Variants in ASIC2 observed in about 807,000 individuals in gnomAD.
ASIC2 encodes acid sensing ion channel subunit 2.
ASIC2 carries 25 observed loss-of-function variants against 57.3 expected under a neutral mutation model. The ratio of observed to expected loss-of-function variants is 0.44; its 90% CI spans 0.32 to 0.61. The LOEUF (loss-of-function observed/expected upper bound fraction) is 0.61, where lower values mean the gene tolerates loss of function less well. Among genes scored for constraint, ASIC2 ranks in the 20% least tolerant of loss-of-function variants. The probability of loss-of-function intolerance (pLI) is 0.06; values close to 1 mark genes in which losing one functional copy is unlikely to be tolerated. For synonymous variants in ASIC2, 319 were observed against 307.5 expected (o/e 1.04, Z -0.39); for missense variants, 641 against 738.1 (o/e 0.87, Z 1.52).
At chr17:33,052,508 T>C (rs1230659054) in intron 3 of ASIC2, 2 of 152,198 alleles carry the variant, frequency 1.3e-5, no homozygotes, top group Non-Finnish European at 2.9e-5. Flanking sequence ...AGGAGGAGCA[T>C]GTGGAGAACA....
intron 1 of ASIC2, among the ~76,000 whole-genome samples, chr17:33,706,626 G>A (rs1246338785): frequency 1.3e-5 from 2 of 152,022 alleles, no homozygotes; most frequent in Non-Finnish European, 2.9e-5. Context: ...ACAACCTTTT[G>A]TTTTTTCTGG....
rs553711780 is a variant in ASIC2, at chr17:33,655,765, G to T, written c.555+500213C>A. ...CATGTCCAATAAATAGAGTAATGAT[G>T]AACCATGATGCAATAAATTGAATAT... is the stretch of plus-strand genomic sequence containing the variant. On this transcript the variant is annotated intron_variant, in intron 1 of 9. Coordinates refer to the ASIC2 transcript ENST00000359872. Among the ~76,000 whole-genome samples the T allele has an allele frequency of 5.3e-5, 8 of 152,262 alleles. No homozygotes were observed. In the South Asian group the frequency reaches 1.7e-3, roughly 32 times the overall value.
intron 1 of ASIC2, among the ~76,000 whole-genome samples, chr17:33,737,895 C>T (rs1419493841): frequency 6.6e-6 from 1 of 152,056 alleles, no homozygotes; most frequent in Non-Finnish European, 1.5e-5. Flanking sequence ...GGCAAATGAC[C>T]CCAACTCTTC....
At chr17:33,491,491 C>A (rs1040851974) in intron 1 of ASIC2, among the ~76,000 whole-genome samples, 1 of 152,142 alleles carries the variant, frequency 6.6e-6, no homozygotes. Context: ...TATGGGAGAG[C>A]GGCTAATAAA....
chr17:33,567,693 C>T (rs1488699638), intron 1 of ASIC2, among the ~76,000 whole-genome samples: 22 of 152,010 alleles, frequency 1.4e-4, no homozygotes, highest in Non-Finnish European at 2.9e-5. Context: ...CAGATTAAGG[C>T]CTGAGCAATT....
At chr17:33,995,681 C>T (rs185291314) in intron 1 of ASIC2, among the ~76,000 whole-genome samples, 2 of 152,050 alleles carry the variant, frequency 1.3e-5, no homozygotes, top group Admixed American at 6.5e-5. Context: ...TGTATATACA[C>T]ACACACAAAT....
intron 1 of ASIC2, among the ~76,000 whole-genome samples, chr17:33,784,956 C>T (rs1369021230): frequency 1.3e-5 from 2 of 152,144 alleles, no homozygotes; most frequent in Non-Finnish European, 2.9e-5. Context: ...ACAGCAGATT[C>T]TACATATATT....
In ASIC2 at chr17:33,122,159, C is replaced by T. The variant is rs113036662; in HGVS notation, c.709-10092G>A. On this transcript the variant is annotated intron_variant, in intron 1 of 9. Transcript: ENST00000225823. Reference sequence around the variant, plus strand: ...AAACCATCCACAGTCTGCTCCCATTCCCATCTCTGTTGTCCCTACTGCCTA... The same window carrying T: ...AAACCATCCACAGTCTGCTCCCATTTCCATCTCTGTTGTCCCTACTGCCTA... Among the ~76,000 whole-genome samples, 60 of 152,274 alleles carry T rather than the reference C, an allele frequency of 3.9e-4. No individual in the cohort carries two copies. The South Asian group carries it at 0.011, about 28-fold the overall frequency.
intron 1 of ASIC2, among the ~76,000 whole-genome samples, chr17:33,708,195 A>G (rs1908919195): frequency 1.3e-5 from 2 of 152,146 alleles, no homozygotes; most frequent in Admixed American, 1.3e-4. Flanking sequence ...CCACACCTTA[A>G]TTTTTGAAGA....
At chr17:33,138,958 G>T (rs1414221315) in intron 1 of ASIC2, among the ~76,000 whole-genome samples, 1 of 152,330 alleles carries the variant, frequency 6.6e-6, no homozygotes, top group Admixed American at 6.5e-5. Context: ...CCAGCCTGGG[G>T]ATCAGAAGTC....
chr17:33,579,350 G>C (rs111718736), intron 1 of ASIC2, among the ~76,000 whole-genome samples: 2 of 150,220 alleles, frequency 1.3e-5, no homozygotes, highest in African/African-American at 4.9e-5. Context: ...ACTGGAACAC[G>C]ATGTGGCTTG....
intron 3 of ASIC2, among the ~76,000 whole-genome samples, chr17:33,048,888 A>G (rs1484300278): frequency 6.6e-6 from 1 of 152,152 alleles, no homozygotes; most frequent in African/African-American, 2.4e-5. Flanking sequence ...GGTCCTACGT[A>G]TTATTTTCTT....
chr17:34,125,944 A>T (rs1034704057), intron 1 of ASIC2, among the ~76,000 whole-genome samples: 2 of 151,974 alleles, frequency 1.3e-5, no homozygotes, highest in African/African-American at 4.8e-5. Context: ...CATCCACGTC[A>T]CTCCCCTTGG....
At chr17:33,191,744 A>C (rs1460399761) in intron 1 of ASIC2, among the ~76,000 whole-genome samples, 1 of 152,156 alleles carries the variant, frequency 6.6e-6, no homozygotes, top group African/African-American at 2.4e-5. Context: ...GCTACTCACA[A>C]TCCGTCTTAC....
intron 1 of ASIC2, among the ~76,000 whole-genome samples, chr17:33,577,615 C>T (rs895715139): frequency 3.9e-5 from 6 of 152,144 alleles, no homozygotes; most frequent in African/African-American, 1.4e-4. Context: ...TCTTACCAAC[C>T]ACAGGGGATT....
intron 1 of ASIC2, among the ~76,000 whole-genome samples, chr17:33,693,602 G>A (rs971130341): frequency 2.5e-4 from 38 of 152,158 alleles, no homozygotes; most frequent in African/African-American, 8.4e-4. Context: ...ACTATTCTGC[G>A]GACCAGGTCT....
intron 1 of ASIC2, among the ~76,000 whole-genome samples, chr17:33,307,191 C>T (rs550608317): frequency 1.3e-5 from 2 of 152,250 alleles, no homozygotes; most frequent in African/African-American, 2.4e-5. Context: ...GAACTTGAGG[C>T]CTGGATAGTG....
chr17:34,089,555 G>T lies in ASIC2; in HGVS notation c.555+66423C>A, dbSNP rs976721920. On this transcript the variant is annotated intron_variant, in intron 1 of 9. Transcript: ENST00000359872. ...AATCCTGTGAACTCCAACTCCACTT[G>T]CTTTGTTAGAAAAAGGAACTGAATT... Among the ~76,000 whole-genome samples the T allele has an allele frequency of 2.6e-4, 39 of 152,244 alleles. 1 individual carries two copies. The Middle Eastern group carries it at 0.017, about 66-fold the overall frequency.
intron 1 of ASIC2, among the ~76,000 whole-genome samples, chr17:33,189,047 ACAGT>A (rs1344825829): frequency 6.6e-6 from 1 of 152,202 alleles, no homozygotes; most frequent in Non-Finnish European, 1.5e-5. Flanking sequence ...TACTATACAT[ACAGT>A]CGTATAACAT....
Sources: gnomAD v4.1 joint callset for allele counts (sites outside exome capture counted in the v4.1 genomes callset) on GRCh38, gnomAD v4.1.1 for gene constraint, MANE v1.5 for transcripts, NCBI Gene and HGNC (gene_info 2026-07-23, HGNC 2026-07-21) for gene names.